The following MTREX variants were observed in gnomAD, a reference collection of about 807,000 sequenced individuals.
MTREX encodes Mtr4 exosome RNA helicase.
MTREX carries 76 observed loss-of-function variants against 135.4 expected under a neutral mutation model. The ratio of observed to expected loss-of-function variants is 0.56; its 90% CI spans 0.47 to 0.68. The LOEUF is 0.68. MTREX is among the 30% of genes least tolerant of loss of function. The probability of loss-of-function intolerance (pLI) is 0.00; values close to 1 mark genes in which losing one functional copy is unlikely to be tolerated. For synonymous variants in MTREX, 404 were observed against 401.6 expected (o/e 1.01, Z -0.07); for missense variants, 920 against 1,262.1 (o/e 0.73, Z 4.11).
chr5:55,414,244 G>GC lies in MTREX; in HGVS notation c.2808+6_2808+7insC. The stretch of plus-strand genomic sequence containing the variant: ...GACCACTTCGTCAAATGCAGGTAAG[G>GC]TTTTTTTTTTTTTTTTTTGAACTAC... On this transcript the variant is annotated splice_region_variant and intron_variant, in intron 24 of 26. Transcript: ENST00000230640. The GC allele has an allele frequency of 1.5e-6, 2 of 1,336,866 alleles. No homozygotes were observed. The highest frequency in any genetic ancestry group is 2.0e-4 in the Middle Eastern group (1 of 4,980). The allele number at this position is 1,336,866 out of a possible 1,614,324, so 82.8% of individuals were successfully genotyped here.
intron 25 of MTREX, among the ~76,000 whole-genome samples, chr5:55,419,379 G>A (rs1751020333): frequency 1.3e-5 from 2 of 152,196 alleles, no homozygotes; most frequent in South Asian, 4.1e-4. Context: ...AACATTAACT[G>A]AGGCTAGTTA....
intron 4 of MTREX, 77 bp downstream of exon 4, chr5:55,327,855 T>A (rs1749408450): frequency 3.6e-6 from 4 of 1,104,914 alleles, no homozygotes; most frequent in Non-Finnish European, 5.4e-6. Flanking sequence ...TCAAATGAGA[T>A]TTTTATATTT....
At chr5:55,365,324 G>A (rs1750084513) in intron 15 of MTREX, among the ~76,000 whole-genome samples, 1 of 152,074 alleles carries the variant, frequency 6.6e-6, no homozygotes. Context: ...CTATTTTTAA[G>A]GAAAGTGGGT....
chr5:55,416,710 C>T (rs1448958059), intron 25 of MTREX, among the ~76,000 whole-genome samples: 2 of 152,022 alleles, frequency 1.3e-5, no homozygotes, highest in African/African-American at 4.8e-5. Context: ...ACTGTTTAAA[C>T]GAAACCATAT....
intron 11 of MTREX, among the ~76,000 whole-genome samples, chr5:55,348,022 A>T (rs1406040833): frequency 6.6e-6 from 1 of 152,216 alleles, no homozygotes; most frequent in African/African-American, 2.4e-5. Flanking sequence ...TCCCTCCCAC[A>T]ACACATGGGA....
At chr5:55,328,661 G>C (rs748853129) in intron 4 of MTREX, 38 bp from the exon 5 acceptor site, 6 of 1,366,236 alleles carry the variant, frequency 4.4e-6, no homozygotes, top group Admixed American at 1.7e-5. Context: ...GATACAACTA[G>C]ATGTTTTTAT....
At chr5:55,323,579 C>T (rs1254131090) in intron 2 of MTREX, among the ~76,000 whole-genome samples, 4 of 152,036 alleles carry the variant, frequency 2.6e-5, no homozygotes, top group Non-Finnish European at 5.9e-5. Flanking sequence ...CGTGCCACCA[C>T]GTATGCTAAT....
At chr5:55,419,858 C>CTG (rs1440244792) in intron 25 of MTREX, among the ~76,000 whole-genome samples, 1 of 35,520 alleles carries the variant, frequency 2.8e-5, no homozygotes, top group Non-Finnish European at 8.1e-5. Context: ...CATTCCTCAA[C>CTG]TCTCCCCACC....
intron 19 of MTREX, among the ~76,000 whole-genome samples, chr5:55,388,328 G>C (rs1305429555): frequency 6.6e-6 from 1 of 152,064 alleles, no homozygotes; most frequent in East Asian, 1.9e-4. Context: ...GATAAATCGT[G>C]ACAAAGTGAA....
chr5:55,310,549 A>C (rs1157147748), intron 1 of MTREX, among the ~76,000 whole-genome samples: 1 of 152,076 alleles, frequency 6.6e-6, no homozygotes, highest in Non-Finnish European at 1.5e-5. Context: ...TGGAGGTTGC[A>C]GTGAGCCGAG....
chr5:55,396,640 G>C (rs1750651290), intron 19 of MTREX, among the ~76,000 whole-genome samples: 2 of 152,186 alleles, frequency 1.3e-5, no homozygotes, highest in South Asian at 4.1e-4. Flanking sequence ...AATCTAGAAA[G>C]GTTAGATAAT....
intron 17 of MTREX, among the ~76,000 whole-genome samples, 161 bp from the exon 18 acceptor site, chr5:55,378,966 A>G (rs1750350307): frequency 1.3e-5 from 2 of 152,066 alleles, no homozygotes; most frequent in South Asian, 4.1e-4. Context: ...TTTTTCCTGC[A>G]GGGTTGATAT....
At chr5:55,364,627 G>A (rs1750069546) in intron 15 of MTREX, among the ~76,000 whole-genome samples, 1 of 152,138 alleles carries the variant, frequency 6.6e-6, no homozygotes, top group Non-Finnish European at 1.5e-5. Context: ...AACAAGAACA[G>A]TTACGATGGT....
chr5:55,349,700 C>CA, intron 12 of MTREX, 48 bp downstream of exon 12: 1 of 975,130 alleles, frequency 1.0e-6, no homozygotes, highest in Non-Finnish European at 1.6e-6. Flanking sequence ...TAATAGATTG[C>CA]ATATATTCAC....
chr5:55,403,557 TCTTCTAC>T (rs1173829401), intron 21 of MTREX, among the ~76,000 whole-genome samples: 2 of 152,258 alleles, frequency 1.3e-5, no homozygotes, highest in African/African-American at 2.4e-5. Flanking sequence ...TATTGGACTC[TCTTCTAC>T]CTTCTAAGCT....
intron 21 of MTREX, among the ~76,000 whole-genome samples, chr5:55,401,635 A>G (rs1003380004): frequency 2.0e-5 from 3 of 152,186 alleles, no homozygotes; most frequent in Non-Finnish European, 4.4e-5. Flanking sequence ...TGCTTTCTCT[A>G]CATCTTCGCC....
At position 55,378,475 on chromosome 5, in the gene MTREX, C is replaced by G; in HGVS notation, c.1972C>G (p.Arg658Gly). 6.2e-7 allele frequency: 1 copy of G among 1,606,666 alleles called. No homozygotes were observed. Among genetic ancestry groups the G allele is most frequent in the Non-Finnish European group, 8.5e-7 (1 of 1,177,674 alleles). The stretch of plus-strand genomic sequence containing the variant: ...CTGCTTACCTTTTCTACAACCAGGT[C>G]GTTTGGTAAAGGTATGTCATTGTTT... ...KYCLPFLQPG[R>G]LVKVKNEGDD... Residue 658 changes from arginine (R) to glycine (G), a missense_variant, in exon 17 of 27, where the codon CGT becomes GGT. Arg to Gly is a moderately radical substitution (Grantham distance 125, BLOSUM62 -2). Coordinates refer to ENST00000230640, the MANE Select transcript of MTREX (RefSeq NM_015360.5).
Position 55,407,009 on chromosome 5 carries a change from A to G in MTREX, c.2645+1421A>G, listed in dbSNP as rs371585364. Among the ~76,000 whole-genome samples, 42 of 152,344 alleles carry G rather than the reference A, an allele frequency of 2.8e-4. No homozygotes were observed. In the South Asian group the frequency reaches 6.6e-3, roughly 24 times the overall value. ...GTAGCTCAAGCAATATCCAGTCTGA[A>G]GATATATCTTGTTTTGTCCATATAG... On this transcript the variant is annotated intron_variant, in intron 22 of 26. Transcript: ENST00000230640.
At position 55,381,957 on chromosome 5, in the gene MTREX, C is replaced by T. The variant is rs184674470; in HGVS notation, c.2052+2762C>T. Reference sequence around the variant, plus strand: ...TAAAATGTATTTTGTTTTGTATCAGCATAGCTATTTGAGCTTTCTTTTGAT... The same window carrying T: ...TAAAATGTATTTTGTTTTGTATCAGTATAGCTATTTGAGCTTTCTTTTGAT... On this transcript the variant is annotated intron_variant, in intron 18 of 26. Transcript: ENST00000230640. 2.0e-5 allele frequency among the ~76,000 whole-genome samples: 3 copies of T among 152,212 alleles called. No individual in the cohort carries two copies. In the East Asian group the frequency reaches 5.8e-4, roughly 29 times the overall value.
Sources: allele counts gnomAD v4.1 joint callset (sites outside exome capture counted in the v4.1 genomes callset), GRCh38; gene constraint gnomAD v4.1.1; transcripts MANE v1.5; gene names NCBI Gene and HGNC (gene_info 2026-07-23, HGNC 2026-07-21).